The following ANK3 variants were observed in gnomAD, a reference collection of about 807,000 sequenced individuals.
ANK3 encodes ankyrin 3, also known as ankyrin-3.
ANK3 carries 57 observed loss-of-function variants against 370.9 expected under a neutral mutation model. That is an observed-to-expected ratio of 0.15 (90% CI 0.12 to 0.19). The LOEUF (loss-of-function observed/expected upper bound fraction) is 0.19. Among genes scored for constraint, ANK3 ranks in the 10% least tolerant of loss-of-function variants. The probability of loss-of-function intolerance (pLI) is 1.00; values close to 1 mark genes in which losing one functional copy is unlikely to be tolerated. For missense variants in ANK3, 4,439 were observed against 5,302.1 expected (o/e 0.84, Z 5.06); for synonymous variants, 1,929 against 1,946.3 (o/e 0.99, Z 0.23).
At chr10:60,711,438 C>CT (rs2079705454) in intron 1 of ANK3, among the ~76,000 whole-genome samples, 1 of 151,444 alleles carries the variant, frequency 6.6e-6, no homozygotes. Context: ...TGAAGAATGC[C>CT]TTTAATAGGC....
Position 60,230,722 on chromosome 10 carries a change from C to G in ANK3, c.897+3966G>C, listed in dbSNP as rs536421702. Reference sequence around the variant, plus strand: ...TGGCTAACACGGTGAAACCCCATCTCTACTAAAAATACAAAAATTAGCCGG... The same window carrying G: ...TGGCTAACACGGTGAAACCCCATCTGTACTAAAAATACAAAAATTAGCCGG... On this transcript the variant is annotated intron_variant, in intron 8 of 43. Transcript: ENST00000280772. Among the ~76,000 whole-genome samples the G allele has an allele frequency of 3.3e-5, 5 of 152,146 alleles. No homozygotes were observed. The East Asian group carries it at 5.8e-4, about 18-fold the overall frequency.
At chr10:60,455,241 G>A (rs977510604) in intron 2 of ANK3, among the ~76,000 whole-genome samples, 3 of 152,052 alleles carry the variant, frequency 2.0e-5, no homozygotes, top group African/African-American at 7.2e-5. Context: ...TTTCAAACTA[G>A]GCATTATAGA....
At chr10:60,266,630 G>A (rs1344159039) in intron 5 of ANK3, among the ~76,000 whole-genome samples, 2 of 152,126 alleles carry the variant, frequency 1.3e-5, no homozygotes, top group Non-Finnish European at 2.9e-5. Flanking sequence ...AAAATAAACT[G>A]CAACTGAGCC....
chr10:60,341,483 T>C (rs892467220), intron 1 of ANK3, among the ~76,000 whole-genome samples: 5 of 152,310 alleles, frequency 3.3e-5, no homozygotes, highest in South Asian at 2.1e-4. Flanking sequence ...TTGATATAAG[T>C]AGATAATATC....
chr10:60,399,584 G>A (rs897860987), intron 2 of ANK3, among the ~76,000 whole-genome samples: 1 of 152,142 alleles, frequency 6.6e-6, no homozygotes, highest in African/African-American at 2.4e-5. Context: ...ATGAGCAGGT[G>A]TTGACATGTA....
chr10:60,530,509 G>A (rs2133199279), intron 2 of ANK3, among the ~76,000 whole-genome samples: 1 of 151,350 alleles, frequency 6.6e-6, no homozygotes, highest in African/African-American at 2.4e-5. Context: ...GAAAACTAAG[G>A]CACTGGGGCT....
intron 1 of ANK3, chr10:60,685,009 G>C (rs957123109): frequency 1.3e-6 from 2 of 1,546,778 alleles, no homozygotes; most frequent in East Asian, 4.9e-5. Flanking sequence ...GCCTACCTGC[G>C]CAATCATAGG....
chr10:60,457,013 G>A (rs1016118226), intron 2 of ANK3, among the ~76,000 whole-genome samples: 1 of 152,078 alleles, frequency 6.6e-6, no homozygotes, highest in Non-Finnish European at 1.5e-5. Context: ...TGGCCAAAAG[G>A]TCAAACATTG....
chr10:60,702,013 C>G (rs1448310537), intron 1 of ANK3, among the ~76,000 whole-genome samples: 2 of 152,058 alleles, frequency 1.3e-5, no homozygotes, highest in East Asian at 3.9e-4. Flanking sequence ...AATTCCAGCA[C>G]TTTGGGAGTC....
rs563292907 is a variant in ANK3, at chr10:60,084,561, G to A, written c.4074+41C>T. ...ACCACAAAATAAAACCTCATATCTGGAGTACGTAATGAAATGAACTTGTTT... is the reference window on the plus strand; with the variant it reads ...ACCACAAAATAAAACCTCATATCTGAAGTACGTAATGAAATGAACTTGTTT... On this transcript the variant is annotated intron_variant, in intron 32 of 43. Transcript: ENST00000280772. 2.0e-6 allele frequency: 3 copies of A among 1,489,190 alleles called. No homozygotes were observed. The East Asian group carries it at 6.8e-5, about 34-fold the overall frequency. 92.2% of individuals were successfully genotyped at this position (1,489,190 alleles called of 1,614,324 possible). A position where few individuals can be genotyped will look rare whatever the true frequency, so the allele number is the denominator to read the frequency against.
chr10:60,401,104 ATGC>A (rs1481118103), intron 2 of ANK3, among the ~76,000 whole-genome samples: 1 of 152,226 alleles, frequency 6.6e-6, no homozygotes, highest in African/African-American at 2.4e-5. Flanking sequence ...AATATACATT[ATGC>A]TAAGTGAAAT....
chr10:60,332,076 C>T (rs2132942013), intron 1 of ANK3, among the ~76,000 whole-genome samples: 1 of 151,946 alleles, frequency 6.6e-6, no homozygotes, highest in Non-Finnish European at 1.5e-5. Flanking sequence ...CGGTTTAAGC[C>T]CATTTTCTAT....
intron 2 of ANK3, among the ~76,000 whole-genome samples, chr10:60,545,048 A>C (rs1283615299): frequency 6.6e-6 from 1 of 152,150 alleles, no homozygotes; most frequent in African/African-American, 2.4e-5. Context: ...ATGTTTTAAA[A>C]ACGTTAAACA....
chr10:60,470,842 A>G (rs2065200251), intron 2 of ANK3, among the ~76,000 whole-genome samples: 1 of 152,208 alleles, frequency 6.6e-6, no homozygotes, highest in Non-Finnish European at 1.5e-5. Flanking sequence ...TAACGTTTAC[A>G]GAGAGAACAA....
At chr10:60,616,065 A>G (rs1490991014) in intron 1 of ANK3, among the ~76,000 whole-genome samples, 1 of 152,184 alleles carries the variant, frequency 6.6e-6, no homozygotes, top group African/African-American at 2.4e-5. Context: ...CGACTCTATC[A>G]AAGGCTATTC....
chr10:60,102,044 C>T (rs1253402054), intron 28 of ANK3, among the ~76,000 whole-genome samples: 1 of 151,190 alleles, frequency 6.6e-6, no homozygotes, highest in African/African-American at 2.4e-5. Context: ...CGGGTGGTGG[C>T]GATGTTGAGT....
chr10:60,413,843 A>C (rs1306389501), intron 2 of ANK3, among the ~76,000 whole-genome samples: 3 of 152,016 alleles, frequency 2.0e-5, no homozygotes, highest in African/African-American at 7.2e-5. Flanking sequence ...AAAAAATGAA[A>C]AAAATTAGCT....
At chr10:60,044,373 G>A (rs2076611431) in intron 42 of ANK3, 1 of 966,048 alleles carries the variant, frequency 1.0e-6, no homozygotes, top group Non-Finnish European at 1.2e-6. Context: ...ATAAAGATTA[G>A]CAACATACTA....
At chr10:60,508,587 G>A (rs1461948656) in intron 2 of ANK3, 1 of 152,622 alleles carries the variant, frequency 6.6e-6, no homozygotes, top group African/African-American at 2.4e-5. Context: ...AGCCAGACAG[G>A]AAGCATAATA....
Sources: allele counts gnomAD v4.1 joint callset (sites outside exome capture counted in the v4.1 genomes callset), GRCh38; gene constraint gnomAD v4.1.1; transcripts MANE v1.5; gene names NCBI Gene and HGNC (gene_info 2026-07-23, HGNC 2026-07-21).